The following POLR3B variants were observed in gnomAD, a reference collection of about 807,000 sequenced individuals.
The protein encoded by POLR3B is RNA polymerase III subunit B.
A neutral mutation model predicts 147.4 loss-of-function variants in POLR3B; 96 were observed. The observed-to-expected ratio is 0.65, with a 90% CI of 0.55 to 0.77. The LOEUF (loss-of-function observed/expected upper bound fraction) is 0.77. Among genes scored for constraint, POLR3B ranks in the 30% least tolerant of loss-of-function variants. The pLI is 0.00. For missense variants in POLR3B, 1,036 were observed against 1,413.5 expected (o/e 0.73, Z 4.28); for synonymous variants, 461 against 485.9 (o/e 0.95, Z 0.67).
chr12:106,492,149 TC>T (rs1160466318), intron 23 of POLR3B, among the ~76,000 whole-genome samples: 1 of 152,246 alleles, frequency 6.6e-6, no homozygotes, highest in African/African-American at 2.4e-5. Flanking sequence ...ACCATTTTTT[TC>T]TTCTTTTCTT....
At chr12:106,380,413 A>G in intron 9 of POLR3B, among the ~76,000 whole-genome samples, 1 of 71,058 alleles carries the variant, frequency 1.4e-5, no homozygotes, top group East Asian at 2.3e-4. Context: ...ATCTCTACCA[A>G]AAAAAAAAAA....
intron 12 of POLR3B, among the ~76,000 whole-genome samples, chr12:106,417,841 T>G (rs2037327220): frequency 6.6e-6 from 1 of 151,660 alleles, no homozygotes; most frequent in Admixed American, 6.6e-5. Flanking sequence ...TAAAAAAAAG[T>G]TGATTGTTTA....
chr12:106,501,225 C>G (rs1271538517), intron 25 of POLR3B, 98 bp from the exon 26 acceptor site: 49 of 781,644 alleles, frequency 6.3e-5, no homozygotes, highest in Non-Finnish European at 4.7e-6. Context: ...TCCAGTCAGT[C>G]ATAAATGAGT....
chr12:106,373,186 T>C (rs748870920), intron 6 of POLR3B, among the ~76,000 whole-genome samples: 1 of 152,258 alleles, frequency 6.6e-6, no homozygotes. Flanking sequence ...ACAATAGGTA[T>C]GTTAAAATCT....
intron 9 of POLR3B, among the ~76,000 whole-genome samples, chr12:106,392,297 G>A (rs932681253): frequency 6.6e-6 from 1 of 152,058 alleles, no homozygotes; most frequent in African/African-American, 2.4e-5. Flanking sequence ...CGAGTAGCTG[G>A]GATTACAGGC....
chr12:106,418,653 T>C (rs1326849746), intron 12 of POLR3B, among the ~76,000 whole-genome samples: 1 of 152,228 alleles, frequency 6.6e-6, no homozygotes, highest in Non-Finnish European at 1.5e-5. Context: ...TGAAATATGA[T>C]TTGCTCTTTA....
At position 106,494,153 on chromosome 12, in the gene POLR3B, T is replaced by G. The variant is rs77813644; in HGVS notation, c.2714-1902T>G. ...TCACATTTCAGTGGAACGAGCACTT[T>G]TTTCATTTTAATAACATAATAAAGT... On this transcript the variant is annotated intron_variant, in intron 23 of 27. Transcript: ENST00000228347. Among the ~76,000 whole-genome samples, 1,334 of 152,312 alleles carry G rather than the reference T, an allele frequency of 8.8e-3. 17 individuals carry two copies. The highest frequency in any genetic ancestry group is 0.03 in the African/African-American group (1,242 of 41,566).
At chr12:106,493,569 G>A (rs1035613729) in intron 23 of POLR3B, among the ~76,000 whole-genome samples, 1 of 152,166 alleles carries the variant, frequency 6.6e-6, no homozygotes, top group Non-Finnish European at 1.5e-5. Context: ...GTCTCTTTGT[G>A]TTAACTTGTA....
At chr12:106,423,836 C>T (rs1205464893) in intron 12 of POLR3B, among the ~76,000 whole-genome samples, 1 of 151,966 alleles carries the variant, frequency 6.6e-6, no homozygotes, top group Non-Finnish European at 1.5e-5. Flanking sequence ...CTAAAATTAA[C>T]TCACATATCC....
intron 25 of POLR3B, among the ~76,000 whole-genome samples, chr12:106,499,154 G>C (rs2038553839): frequency 6.6e-6 from 1 of 152,088 alleles, no homozygotes; most frequent in Non-Finnish European, 1.5e-5. Context: ...TAAAATAATT[G>C]TGACCATTTC....
chr12:106,404,996 C>A (rs1250085160), intron 10 of POLR3B, among the ~76,000 whole-genome samples: 1 of 152,130 alleles, frequency 6.6e-6, no homozygotes, highest in Non-Finnish European at 1.5e-5. Flanking sequence ...TTTCCTTCCT[C>A]ATTGAATTGC....
At chr12:106,496,185 G>A (rs1487609444) in intron 24 of POLR3B, 27 bp downstream of exon 24, 30 of 1,335,072 alleles carry the variant, frequency 2.2e-5, no homozygotes, top group Non-Finnish European at 3.0e-5. Flanking sequence ...TTTTTCAGAG[G>A]CATTGCCTTT....
intron 23 of POLR3B, among the ~76,000 whole-genome samples, chr12:106,477,242 C>T (rs1407422048): frequency 1.0e-5 from 1 of 99,176 alleles, no homozygotes; most frequent in Non-Finnish European, 1.9e-5. Context: ...TCTCAAGCTG[C>T]GTGCTGGGAG....
At chr12:106,360,618 T>C (rs748783639) in intron 1 of POLR3B, among the ~76,000 whole-genome samples, 1 of 152,244 alleles carries the variant, frequency 6.6e-6, no homozygotes, top group Non-Finnish European at 1.5e-5. Flanking sequence ...AGCTCAGTTT[T>C]ACTTGAACTG....
At chr12:106,431,662 A>G (rs2141775) in intron 14 of POLR3B, among the ~76,000 whole-genome samples, 58,390 of 152,090 alleles carry the variant, frequency 0.38, 13,502 homozygotes, top group African/African-American at 0.65. Context: ...ATCTTATGTA[A>G]CCATAGCACT....
chr12:106,369,717 C>A, intron 6 of POLR3B, 34 bp downstream of exon 6: 1 of 1,301,498 alleles, frequency 7.7e-7, no homozygotes. Context: ...AGCCACACTG[C>A]CTGGATTCCA....
intron 19 of POLR3B, among the ~76,000 whole-genome samples, chr12:106,451,958 A>G (rs73186470): frequency 0.067 from 10,215 of 152,236 alleles, 481 homozygotes; most frequent in Middle Eastern, 0.13. Flanking sequence ...GGGATAATAG[A>G]AGTAGAATGC....
chr12:106,439,187 C>G (rs1460392680), intron 18 of POLR3B, among the ~76,000 whole-genome samples: 1 of 152,036 alleles, frequency 6.6e-6, no homozygotes, highest in East Asian at 1.9e-4. Context: ...CCAGCCTGGA[C>G]AACATAGCAA....
At chr12:106,385,828 T>C (rs1379577361) in intron 9 of POLR3B, among the ~76,000 whole-genome samples, 1 of 152,260 alleles carries the variant, frequency 6.6e-6, no homozygotes, top group African/African-American at 2.4e-5. Flanking sequence ...TTTTGAGTTC[T>C]ATAAATGAGA....
Sources: allele counts gnomAD v4.1 joint callset (sites outside exome capture counted in the v4.1 genomes callset), GRCh38; gene constraint gnomAD v4.1.1; transcripts MANE v1.5; gene names NCBI Gene and HGNC (gene_info 2026-07-23, HGNC 2026-07-21).